Variants in EBF3 observed in about 807,000 individuals in gnomAD.
EBF3 encodes EBF transcription factor 3.
In EBF3, 18 loss-of-function variants were observed where a neutral mutation model predicts 77.1. The ratio of observed to expected loss-of-function variants is 0.23; its 90% confidence interval spans 0.16 to 0.35. The LOEUF (loss-of-function observed/expected upper bound fraction) is 0.35, where lower values mean the gene tolerates loss of function less well. EBF3 is among the 10% of genes least tolerant of loss of function. The pLI, the probability that EBF3 is intolerant of heterozygous loss-of-function variation, is 1.00. For missense variants in EBF3, 558 were observed against 860.0 expected (o/e 0.65, Z 4.39); for synonymous variants, 350 against 343.5 (o/e 1.02, Z -0.21).
intron 6 of EBF3, 51 bp downstream of exon 6, chr10:129,957,207 G>A: frequency 3.3e-6 from 5 of 1,530,908 alleles, no homozygotes; most frequent in Non-Finnish European, 4.5e-6. Flanking sequence ...AAGGCAAAAC[G>A]TTTTGTTGCT....
intron 6 of EBF3, among the ~76,000 whole-genome samples, chr10:129,929,474 A>T (rs924359147): frequency 1.3e-5 from 2 of 152,190 alleles, no homozygotes. Flanking sequence ...CCAAAGTGCT[A>T]GAATTACAGA....
intron 6 of EBF3, among the ~76,000 whole-genome samples, chr10:129,945,688 C>G (rs1238099818): frequency 6.6e-6 from 1 of 152,194 alleles, no homozygotes; most frequent in Non-Finnish European, 1.5e-5. Flanking sequence ...TCATCCGACA[C>G]CATTGTACAT....
At chr10:129,886,903 A>C (rs1853626950) in intron 6 of EBF3, among the ~76,000 whole-genome samples, 1 of 151,428 alleles carries the variant, frequency 6.6e-6, no homozygotes, top group South Asian at 2.1e-4. Context: ...TGAGAGACAC[A>C]GAGAGACGCA....
intron 6 of EBF3, among the ~76,000 whole-genome samples, chr10:129,896,700 C>T (rs966163106): frequency 6.6e-6 from 1 of 152,238 alleles, no homozygotes; most frequent in Non-Finnish European, 1.5e-5. Flanking sequence ...CCTCCCGCTG[C>T]TCTCCTCCTT....
rs986111530 is a variant in EBF3, at chr10:129,841,265, G to A, written c.1373-233C>T. ...TGGCTTCAACAGCCAGCCGGGGCGC[G>A]CTTCGATCTCGCCGTCAGTGGCTTT... is the stretch of plus-strand genomic sequence containing the variant. On this transcript the variant is annotated intron_variant, in intron 13 of 16. Transcript: ENST00000440978. The surrounding 1 kb of genome is among the most constrained non-coding windows in gnomAD (Gnocchi z 4.6). 5.3e-5 allele frequency among the ~76,000 whole-genome samples: 8 copies of A among 152,136 alleles called. No individual in the cohort carries two copies. Among genetic ancestry groups the A allele is most frequent in the South Asian group, 2.1e-4 (1 of 4,820 alleles).
chr10:129,839,041 C>T (rs903788582), intron 16 of EBF3, 42 bp downstream of exon 16: 3 of 1,303,344 alleles, frequency 2.3e-6, no homozygotes, highest in African/African-American at 1.5e-5. Flanking sequence ...CCTTCATACG[C>T]TAACGGATGT....
rs117489717 is a variant in EBF3, at chr10:129,872,482, C to T, written c.781+970G>A. On this transcript the variant is annotated intron_variant, in intron 8 of 16. Transcript: ENST00000440978. ...ATATTTCACGCTGATAATCTGCACA[C>T]GCTTCATTCATTTTCCTGTGCGTGC... Among the ~76,000 whole-genome samples, 516 of 152,276 alleles carry T rather than the reference C, an allele frequency of 3.4e-3. 1 individual carries two copies. The highest frequency in any genetic ancestry group is 6.8e-3 in the Middle Eastern group (2 of 294).
intron 6 of EBF3, among the ~76,000 whole-genome samples, chr10:129,946,387 A>G (rs534285879): frequency 3.9e-5 from 6 of 152,390 alleles, no homozygotes; most frequent in Non-Finnish European, 5.9e-5. Flanking sequence ...ATGGGGTCTG[A>G]GGAAACATGA....
At chr10:129,850,663 A>T (rs1290462954) in intron 10 of EBF3, among the ~76,000 whole-genome samples, 1 of 152,164 alleles carries the variant, frequency 6.6e-6, no homozygotes, top group Non-Finnish European at 1.5e-5. Context: ...ATTAGAAAAA[A>T]CTGCCCCTCT....
chr10:129,960,798 G>A (rs550072288), intron 4 of EBF3, among the ~76,000 whole-genome samples: 2 of 152,260 alleles, frequency 1.3e-5, no homozygotes, highest in South Asian at 4.1e-4. Context: ...ACTTAGGGCT[G>A]CCTACATAAA....
At chr10:129,931,930 T>C (rs1643152590) in intron 6 of EBF3, among the ~76,000 whole-genome samples, 1 of 152,022 alleles carries the variant, frequency 6.6e-6, no homozygotes, top group African/African-American at 2.4e-5. Flanking sequence ...TGGCCCAAGA[T>C]GTGCAGATGT....
chr10:129,878,612 A>C (rs938971818), intron 6 of EBF3, among the ~76,000 whole-genome samples: 1 of 143,756 alleles, frequency 7.0e-6, no homozygotes, highest in Non-Finnish European at 1.5e-5. Flanking sequence ...CAGTGAGCCG[A>C]GATCGTGCCA....
rs1859638658 is a variant in EBF3, at chr10:129,962,931, C to G, written c.355+11G>C. On this transcript the variant is annotated intron_variant, in intron 3 of 16. Transcript: ENST00000440978. ...CGCTGCAGGGGCGGCGAGCACGCAG[C>G]AGGCACTTACCGTTGCTGTACAATA... is the stretch of plus-strand genomic sequence containing the variant. The G allele has an allele frequency of 6.2e-7, 1 of 1,613,778 alleles. No individual in the cohort carries two copies. Among genetic ancestry groups the G allele is most frequent in the Non-Finnish European group, 8.5e-7 (1 of 1,179,872 alleles).
chr10:129,841,971 T>C lies in EBF3; in HGVS notation c.1372+145A>G, dbSNP rs537299657. The C allele has an allele frequency of 1.6e-5, 18 of 1,100,666 alleles. No homozygotes were observed. The African/African-American group carries it at 2.4e-4, about 15-fold the overall frequency. 68.2% of individuals were successfully genotyped at this position (1,100,666 alleles called of 1,614,324 possible). On this transcript the variant is annotated intron_variant, in intron 13 of 16. Coordinates refer to ENST00000440978, the MANE Select transcript of EBF3 (RefSeq NM_001375380.1). This position sits in a 1 kb window ranked among gnomAD's most constrained non-coding sequence, Gnocchi z 4.6. ...GGGAGGACCTGCAGCAAGGTCTTCCTGAGCAAAGGAACCAGCAGAGCCAGA... is the reference window on the plus strand; with the variant it reads ...GGGAGGACCTGCAGCAAGGTCTTCCCGAGCAAAGGAACCAGCAGAGCCAGA...
In EBF3 at chr10:129,867,223, G is replaced by A; in HGVS notation, c.957C>T (p.His319=). 6.2e-7 allele frequency: 1 copy of A among 1,614,152 alleles called. No homozygotes were observed. Among genetic ancestry groups the A allele is most frequent in the Non-Finnish European group, 8.5e-7 (1 of 1,180,030 alleles). The change falls in exon 10 of 17, where the codon CAC becomes CAT. Residue 319 remains histidine (H), a synonymous_variant. Coordinates refer to ENST00000440978, the MANE Select transcript of EBF3 (RefSeq NM_001375380.1). ...GGGTCACTTCGACGACGCCAGGAAT[G>A]TGCCTCGGCGGGGTCTGGACTCGGA... ...HAIRVQTPPR[H]IPGVVEVTLS...
At chr10:129,862,878 C>T (rs963564975) in intron 10 of EBF3, among the ~76,000 whole-genome samples, 6 of 152,092 alleles carry the variant, frequency 3.9e-5, no homozygotes, top group Non-Finnish European at 8.8e-5. Flanking sequence ...ATTATAAATG[C>T]GAAACTGCCC....
Position 129,877,951 on chromosome 10 carries a change from C to T in EBF3, c.555-102G>A, listed in dbSNP as rs557452366. On this transcript the variant is annotated intron_variant, in intron 6 of 16. Coordinates refer to ENST00000440978, the MANE Select transcript of EBF3 (RefSeq NM_001375380.1). ...CGCAGGGAGGAGTGGAGACTCAACC[C>T]CACAGCTTCCACACTTCCCTCTAGG... 7.2e-6 allele frequency: 6 copies of T among 836,348 alleles called. No homozygotes were observed. In the African/African-American group the frequency reaches 1.0e-4, roughly 14 times the overall value. 51.8% of individuals were successfully genotyped at this position (836,348 alleles called of 1,614,324 possible). A position where few individuals can be genotyped will look rare whatever the true frequency, so the allele number is the denominator to read the frequency against.
chr10:129,838,898 G>A (rs757003672), intron 16 of EBF3, among the ~76,000 whole-genome samples, 185 bp downstream of exon 16: 12 of 152,292 alleles, frequency 7.9e-5, no homozygotes, highest in South Asian at 2.1e-4. Flanking sequence ...AGGAGGTGCC[G>A]TCTTTCAGCC....
At chr10:129,874,243 G>A (rs938258432) in intron 7 of EBF3, among the ~76,000 whole-genome samples, 1 of 152,196 alleles carries the variant, frequency 6.6e-6, no homozygotes, top group Admixed American at 6.5e-5. Flanking sequence ...GGCTGGCAAG[G>A]ACCCTGGTAT....
Sources: gnomAD v4.1 joint callset for allele counts (sites outside exome capture counted in the v4.1 genomes callset) on GRCh38, gnomAD v4.1.1 for gene constraint, Gnocchi (gnomAD v3.1) non-coding constraint, MANE v1.5 for transcripts, NCBI Gene and HGNC (gene_info 2026-07-23, HGNC 2026-07-21) for gene names.